The following DGKB variants were observed in gnomAD, a reference collection of about 807,000 sequenced individuals.
DGKB encodes diacylglycerol kinase beta.
DGKB carries 67 observed loss-of-function variants against 114.3 expected under a neutral mutation model. The ratio of observed to expected loss-of-function variants is 0.59; its 90% CI spans 0.48 to 0.72. DGKB has a LOEUF of 0.72. DGKB is among the 30% of genes least tolerant of loss of function. The pLI, the probability that DGKB is intolerant of heterozygous loss-of-function variation, is 0.00. For synonymous variants in DGKB, 398 were observed against 323.1 expected (o/e 1.23, Z -2.49); for missense variants, 907 against 975.2 (o/e 0.93, Z 0.93).
At chr7:14,560,669 G>T (rs185630013) in intron 20 of DGKB, among the ~76,000 whole-genome samples, 32 of 152,308 alleles carry the variant, frequency 2.1e-4, no homozygotes, top group Admixed American at 1.6e-3. Context: ...CAATATACAT[G>T]ACAGTGTGAA....
rs192414645 is a variant in DGKB, at chr7:14,462,897, T to C, written c.1835+15264A>G. The stretch of plus-strand genomic sequence containing the variant: ...TGGTACTGGTACCAAAACAGATATA[T>C]AAACCAATGGAACAGAACATAGGCC... On this transcript the variant is annotated intron_variant, in intron 21 of 25. Transcript: ENST00000402815. Among the ~76,000 whole-genome samples, 817 of 152,064 alleles carry C rather than the reference T, an allele frequency of 5.4e-3. 14 individuals are homozygous for C. The highest frequency in any genetic ancestry group is 3.1e-3 in the Non-Finnish European group (210 of 68,004).
At chr7:14,881,368 A>G (rs769479285) in intron 1 of DGKB, among the ~76,000 whole-genome samples, 3 of 152,176 alleles carry the variant, frequency 2.0e-5, no homozygotes, top group Non-Finnish European at 4.4e-5. Context: ...CTTGAACACT[A>G]GGGAAATTAA....
chr7:14,738,359 A>G (rs998178088), intron 4 of DGKB, among the ~76,000 whole-genome samples: 2 of 152,190 alleles, frequency 1.3e-5, no homozygotes, highest in African/African-American at 4.8e-5. Flanking sequence ...CATAATCAGT[A>G]TTTTGTTTAG....
chr7:14,744,099 C>A (rs555640064), intron 4 of DGKB, among the ~76,000 whole-genome samples: 1 of 152,192 alleles, frequency 6.6e-6, no homozygotes, highest in South Asian at 2.1e-4. Context: ...TATTCAGAGT[C>A]AAGAAAACTT....
intron 20 of DGKB, among the ~76,000 whole-genome samples, chr7:14,523,420 C>T (rs1367781): frequency 0.4 from 60,281 of 151,876 alleles, 12,276 homozygotes; most frequent in Admixed American, 0.49. Flanking sequence ...GCCTTCTTAA[C>T]TGGCTGAAAA....
At chr7:14,258,754 A>G (rs1360078697) in intron 23 of DGKB, among the ~76,000 whole-genome samples, 1 of 152,170 alleles carries the variant, frequency 6.6e-6, no homozygotes, top group African/African-American at 2.4e-5. Context: ...TTCACAGTTG[A>G]TTTAATTTGT....
At chr7:14,313,520 CCTGGAAAAT>C (rs1805815254) in intron 23 of DGKB, among the ~76,000 whole-genome samples, 1 of 152,008 alleles carries the variant, frequency 6.6e-6, no homozygotes, top group African/African-American at 2.4e-5. Context: ...ACGGACGGCA[CCTGGAAAAT>C]CGGGAAAATC....
At chr7:14,852,492 A>AAAAAAAAAAAAAAAAAAAAAAAAAAAC (rs768018336) in intron 1 of DGKB, among the ~76,000 whole-genome samples, 2 of 149,766 alleles carry the variant, frequency 1.3e-5, no homozygotes, top group Non-Finnish European at 1.5e-5. Flanking sequence ...AAAGTCAAAA[A>AAAAAAAAAAAAAAAAAAAAAAAAAAAC]AAAAACAGAA....
Position 14,921,926 on chromosome 7 carries a change from C to A in DGKB, c.-188+52770G>T, listed in dbSNP as rs544330657. 3.4e-3 allele frequency among the ~76,000 whole-genome samples: 525 copies of A among 152,250 alleles called. 7 individuals are homozygous for A. The highest frequency in any genetic ancestry group is 4.4e-3 in the Non-Finnish European group (302 of 67,994). Reference sequence around the variant, plus strand: ...GCTTTTCTTAACCTCAGTATCTTCCCAATCCACTGTGTTCTGATTAGGAGG... The same window carrying A: ...GCTTTTCTTAACCTCAGTATCTTCCAAATCCACTGTGTTCTGATTAGGAGG... On this transcript the variant is annotated intron_variant, in intron 1 of 4. Transcript: ENST00000437998.
At chr7:14,627,955 A>AAAG (rs996406896) in intron 14 of DGKB, among the ~76,000 whole-genome samples, 11 of 151,240 alleles carry the variant, frequency 7.3e-5, no homozygotes, top group African/African-American at 2.7e-4. Context: ...AAAAACAAAA[A>AAAG]AAAAAAACAA....
rs1325758195 is a variant in DGKB at position 14,320,163 on chromosome 7, G to T, written c.2122+18352C>A. Among the ~76,000 whole-genome samples, 3 of 152,248 alleles carry T rather than the reference G, an allele frequency of 2.0e-5. No individual in the cohort carries two copies. In the East Asian group the frequency reaches 5.8e-4, roughly 29 times the overall value. On this transcript the variant is annotated intron_variant, in intron 23 of 25. Coordinates refer to ENST00000402815, the MANE Select transcript of DGKB (RefSeq NM_001350709.2). ...CATAGGTGGGAGCTGAGGGGGAGGC[G>T]GGGGTCCAGCAGTGGTGGGAACAAC...
At chr7:14,208,507 A>G (rs748636010) in intron 23 of DGKB, among the ~76,000 whole-genome samples, 7 of 151,956 alleles carry the variant, frequency 4.6e-5, no homozygotes, top group Non-Finnish European at 7.4e-5. Flanking sequence ...GTTGCAAGGG[A>G]TTGTAAACAG....
intron 1 of DGKB, among the ~76,000 whole-genome samples, chr7:14,915,344 C>T (rs1217570137): frequency 2.0e-5 from 3 of 152,306 alleles, no homozygotes; most frequent in Admixed American, 2.0e-4. Context: ...AGCCTCCACA[C>T]TCCAGCCTGG....
At chr7:14,964,847 G>T (rs2115283793) in intron 1 of DGKB, among the ~76,000 whole-genome samples, 1 of 152,222 alleles carries the variant, frequency 6.6e-6, no homozygotes, top group African/African-American at 2.4e-5. Flanking sequence ...GGTATTCAGG[G>T]TTATATTAGT....
intron 1 of DGKB, among the ~76,000 whole-genome samples, chr7:14,842,531 G>C (rs1220348197): frequency 6.6e-6 from 1 of 152,184 alleles, no homozygotes; most frequent in Non-Finnish European, 1.5e-5. Flanking sequence ...GCAACCATGG[G>C]TTTGGGGAAG....
intron 2 of DGKB, among the ~76,000 whole-genome samples, chr7:14,805,194 A>G (rs930440464): frequency 2.0e-5 from 3 of 152,114 alleles, no homozygotes; most frequent in Admixed American, 1.3e-4. Flanking sequence ...GGAGTGCAGC[A>G]TAGCGCTATC....
intron 23 of DGKB, among the ~76,000 whole-genome samples, chr7:14,275,689 T>C (rs988354232): frequency 6.6e-6 from 1 of 152,168 alleles, no homozygotes; most frequent in African/African-American, 2.4e-5. Flanking sequence ...TTTAAACAAA[T>C]CAACTAGCAA....
At chr7:14,458,859 C>G (rs895916588) in intron 21 of DGKB, among the ~76,000 whole-genome samples, 1 of 152,178 alleles carries the variant, frequency 6.6e-6, no homozygotes. Flanking sequence ...CAGAACCGTT[C>G]ACTCTCCTGG....
chr7:14,901,110 T>C (rs2128237637), intron 1 of DGKB, among the ~76,000 whole-genome samples: 1 of 152,320 alleles, frequency 6.6e-6, no homozygotes, highest in Non-Finnish European at 1.5e-5. Context: ...ACTATGTATG[T>C]GTGTGGCATG....
Sources: allele counts gnomAD v4.1 joint callset (sites outside exome capture counted in the v4.1 genomes callset), GRCh38; gene constraint gnomAD v4.1.1; transcripts MANE v1.5; gene names NCBI Gene and HGNC (gene_info 2026-07-23, HGNC 2026-07-21).